The following CORIN variants were observed in gnomAD, a reference collection of about 807,000 sequenced individuals.
The protein encoded by CORIN is corin, serine peptidase.
Under a neutral mutation model 125.3 loss-of-function variants are expected in CORIN, and 117 were observed. The observed-to-expected ratio is 0.93, with a 90% CI of 0.80 to 1.09. CORIN has a LOEUF of 1.09. CORIN is among the 50% of genes least tolerant of loss of function. CORIN has a pLI of 0.00. For missense variants in CORIN, 1,253 were observed against 1,306.7 expected (o/e 0.96, Z 0.63); for synonymous variants, 450 against 466.4 (o/e 0.96, Z 0.45).
At chr4:47,733,759 A>G (rs956647606) in intron 5 of CORIN, among the ~76,000 whole-genome samples, 11 of 152,230 alleles carry the variant, frequency 7.2e-5, no homozygotes, top group Non-Finnish European at 1.6e-4. Flanking sequence ...CAGTTCCCAC[A>G]GCATTATCAC....
intron 5 of CORIN, among the ~76,000 whole-genome samples, chr4:47,730,402 G>T (rs1727818381): frequency 6.6e-6 from 1 of 150,840 alleles, no homozygotes; most frequent in Non-Finnish European, 1.5e-5. Flanking sequence ...GAACCCGGAA[G>T]GCAGAGGTTG....
chr4:47,688,127 T>A (rs2109732539), intron 6 of CORIN, among the ~76,000 whole-genome samples: 1 of 152,296 alleles, frequency 6.6e-6, no homozygotes, highest in African/African-American at 2.4e-5. Flanking sequence ...TATACAAACA[T>A]CACCTGAGTG....
intron 2 of CORIN, among the ~76,000 whole-genome samples, chr4:47,790,942 A>G (rs995166283): frequency 6.6e-6 from 1 of 152,186 alleles, no homozygotes; most frequent in African/African-American, 2.4e-5. Context: ...AAGAAATAGT[A>G]TATAATTCTA....
intron 1 of CORIN, among the ~76,000 whole-genome samples, chr4:47,829,533 G>A (rs73137933): frequency 2.6e-4 from 39 of 152,306 alleles, no homozygotes; most frequent in African/African-American, 9.1e-4. Flanking sequence ...GGAGTTATGG[G>A]AACCCCTGAT....
At chr4:47,784,199 T>C (rs917730786) in intron 3 of CORIN, among the ~76,000 whole-genome samples, 4 of 152,208 alleles carry the variant, frequency 2.6e-5, no homozygotes, top group Admixed American at 1.3e-4. Context: ...AAAAGTTCTA[T>C]AATCACAGGC....
At chr4:47,683,037 C>T (rs1425571668) in intron 7 of CORIN, 1 of 152,214 alleles carries the variant, frequency 6.6e-6, no homozygotes, top group Non-Finnish European at 1.5e-5. Context: ...GTATCCTCAT[C>T]CCAGTTTGCC....
chr4:47,833,554 ATAAGAT>A (rs1733184347), intron 1 of CORIN, among the ~76,000 whole-genome samples: 1 of 151,832 alleles, frequency 6.6e-6, no homozygotes, highest in Non-Finnish European at 1.5e-5. Flanking sequence ...TAATAACCAA[ATAAGAT>A]TATGCTAAAC....
chr4:47,716,603 G>T (rs1329303656), intron 5 of CORIN, among the ~76,000 whole-genome samples: 1 of 151,934 alleles, frequency 6.6e-6, no homozygotes, highest in Non-Finnish European at 1.5e-5. Flanking sequence ...ATTATATAAC[G>T]ATCCAATACA....
chr4:47,648,333 G>A (rs886775023), intron 13 of CORIN, among the ~76,000 whole-genome samples: 6 of 152,118 alleles, frequency 3.9e-5, no homozygotes, highest in African/African-American at 1.4e-4. Context: ...AGGATACAGT[G>A]TTCCAAAAAA....
At chr4:47,811,667 G>A (rs1732069788) in intron 1 of CORIN, among the ~76,000 whole-genome samples, 1 of 152,090 alleles carries the variant, frequency 6.6e-6, no homozygotes, top group Admixed American at 6.6e-5. Flanking sequence ...GCCCAGCCGA[G>A]GATTATTTTC....
At chr4:47,767,422 G>A (rs1729809504) in intron 3 of CORIN, among the ~76,000 whole-genome samples, 2 of 152,070 alleles carry the variant, frequency 1.3e-5, no homozygotes, top group East Asian at 3.9e-4. Context: ...TCTGAAAACT[G>A]AGAAAGCTGG....
chr4:47,653,877 A>C (rs1440418638), intron 12 of CORIN, among the ~76,000 whole-genome samples: 1 of 152,220 alleles, frequency 6.6e-6, no homozygotes, highest in African/African-American at 2.4e-5. Flanking sequence ...GCGGTTTAAC[A>C]TCTATGTATT....
chr4:47,769,548 C>T (rs1729922809), intron 3 of CORIN, among the ~76,000 whole-genome samples: 1 of 151,384 alleles, frequency 6.6e-6, no homozygotes, highest in Non-Finnish European at 1.5e-5. Flanking sequence ...TGGAAACACA[C>T]AAAAAACAAA....
Position 47,628,599 on chromosome 4 carries a change from C to A in CORIN, c.2199-2078G>T, listed in dbSNP as rs186117360. Among the ~76,000 whole-genome samples the A allele has an allele frequency of 2.2e-4, 33 of 152,222 alleles. 1 individual carries two copies. The highest frequency in any genetic ancestry group is 7.7e-4 in the African/African-American group (32 of 41,556). On this transcript the variant is annotated intron_variant, in intron 16 of 21. Transcript: ENST00000273857. ...CATTCCACATTACCAAATCTTTGTA[C>A]CCTTTGACCATCTCCCCATTTTCTC...
At chr4:47,783,619 T>C (rs540634343) in intron 3 of CORIN, among the ~76,000 whole-genome samples, 1 of 152,208 alleles carries the variant, frequency 6.6e-6, no homozygotes, top group East Asian at 1.9e-4. Flanking sequence ...ATGCCAGGAA[T>C]TGAAAATAAC....
chr4:47,640,462 A>C (rs1257395638), intron 16 of CORIN, among the ~76,000 whole-genome samples: 1 of 152,218 alleles, frequency 6.6e-6, no homozygotes. Context: ...AAAGCAGATT[A>C]GTTGTTACCT....
At chr4:47,691,776 G>T (rs1725783098) in intron 6 of CORIN, among the ~76,000 whole-genome samples, 1 of 151,066 alleles carries the variant, frequency 6.6e-6, no homozygotes, top group South Asian at 2.1e-4. Flanking sequence ...GATACTACAT[G>T]AAACACCAGT....
intron 10 of CORIN, among the ~76,000 whole-genome samples, chr4:47,669,568 T>C (rs1465954690): frequency 2.0e-5 from 3 of 150,610 alleles, no homozygotes; most frequent in Non-Finnish European, 3.0e-5. Flanking sequence ...TATATATATA[T>C]ATGCTTTTTT....
chr4:47,666,155 T>C (rs934433624), intron 10 of CORIN, among the ~76,000 whole-genome samples: 7 of 152,204 alleles, frequency 4.6e-5, no homozygotes, highest in African/African-American at 1.7e-4. Flanking sequence ...CCAGGAAACC[T>C]TCCTGGCCAA....
Sources: gnomAD v4.1 joint callset for allele counts (sites outside exome capture counted in the v4.1 genomes callset) on GRCh38, gnomAD v4.1.1 for gene constraint, MANE v1.5 for transcripts, NCBI Gene and HGNC (gene_info 2026-07-23, HGNC 2026-07-21) for gene names.